MAPRE2: variants seen among roughly 807,000 people sequenced by gnomAD.
MAPRE2 encodes microtubule associated protein RP/EB family member 2.
In MAPRE2, 13 loss-of-function variants were observed where a neutral mutation model predicts 43.2. That is an observed-to-expected ratio of 0.30 (90% CI 0.20 to 0.48). MAPRE2 has a LOEUF of 0.48. Among genes scored for constraint, MAPRE2 ranks in the 20% least tolerant of loss-of-function variants. MAPRE2 has a pLI of 0.99. For missense variants in MAPRE2, 161 were observed against 400.2 expected (o/e 0.40, Z 5.10); for synonymous variants, 135 against 148.8 (o/e 0.91, Z 0.68).
chr18:35,011,774 C>T (rs2097034825), intron 2 of MAPRE2, among the ~76,000 whole-genome samples: 1 of 152,130 alleles, frequency 6.6e-6, no homozygotes, highest in Non-Finnish European at 1.5e-5. Context: ...TTGCACCAAC[C>T]TAATAGAAAG....
At chr18:34,992,160 G>C (rs2097024156) in intron 1 of MAPRE2, among the ~76,000 whole-genome samples, 1 of 152,114 alleles carries the variant, frequency 6.6e-6, no homozygotes, top group Non-Finnish European at 1.5e-5. Context: ...ACTATCATGA[G>C]TAGAGGCTCT....
intron 1 of MAPRE2, among the ~76,000 whole-genome samples, chr18:35,064,209 A>T (rs1353763614): frequency 6.6e-6 from 1 of 151,656 alleles, no homozygotes; most frequent in East Asian, 1.9e-4. Flanking sequence ...AAAAAAAAAA[A>T]ATCAAAATAG....
upstream of MAPRE2, among the ~76,000 whole-genome samples, chr18:35,037,054 A>G (rs146280422): frequency 9.8e-4 from 149 of 152,172 alleles, 2 homozygotes; most frequent in East Asian, 0.011. Flanking sequence ...GTCCCATCCC[A>G]CCCTATGTTG....
At chr18:35,133,110 G>A (rs982412387) in intron 6 of MAPRE2, among the ~76,000 whole-genome samples, 2 of 152,176 alleles carry the variant, frequency 1.3e-5, no homozygotes, top group African/African-American at 4.8e-5. Context: ...TATTTCTATA[G>A]GACATAGCAA....
chr18:35,009,136 A>G (rs2097033181), intron 2 of MAPRE2, among the ~76,000 whole-genome samples: 1 of 152,164 alleles, frequency 6.6e-6, no homozygotes, highest in African/African-American at 2.4e-5. Context: ...AAACGACTTT[A>G]GTAAGAAAAT....
At chr18:35,004,145 T>G (rs984346233) in intron 1 of MAPRE2, among the ~76,000 whole-genome samples, 2 of 152,196 alleles carry the variant, frequency 1.3e-5, no homozygotes, top group Non-Finnish European at 2.9e-5. Flanking sequence ...TTTTTTTAAC[T>G]AAACATCTCC....
intron 2 of MAPRE2, among the ~76,000 whole-genome samples, chr18:35,073,076 C>T (rs1387397397): frequency 6.6e-6 from 1 of 152,072 alleles, no homozygotes; most frequent in Non-Finnish European, 1.5e-5. Context: ...AGATGACCTT[C>T]TAAATCGGTA....
At chr18:34,985,345 T>A (rs1349850469) in intron 1 of MAPRE2, among the ~76,000 whole-genome samples, 1 of 43,756 alleles carries the variant, frequency 2.3e-5, no homozygotes, top group African/African-American at 9.6e-5. Flanking sequence ...TATAATATAT[T>A]ATATTATATA....
chr18:35,129,289 A>G (rs1404520311), intron 5 of MAPRE2, among the ~76,000 whole-genome samples: 1 of 152,168 alleles, frequency 6.6e-6, no homozygotes, highest in East Asian at 1.9e-4. Context: ...AGCCAACAGG[A>G]TGCCCCCTGA....
At chr18:35,101,573 C>T (rs1029417768) in intron 3 of MAPRE2, among the ~76,000 whole-genome samples, 3 of 152,196 alleles carry the variant, frequency 2.0e-5, no homozygotes, top group African/African-American at 7.2e-5. Flanking sequence ...TGTCCTTCTA[C>T]TCTCCATGCC....
chr18:35,051,891 A>G (rs549147), intron 1 of MAPRE2, among the ~76,000 whole-genome samples: 96,042 of 152,040 alleles, frequency 0.63, 30,322 homozygotes, highest in South Asian at 0.7. Context: ...GCCTCAAAGA[A>G]TGTTAGCTAG....
intron 2 of MAPRE2, among the ~76,000 whole-genome samples, chr18:35,017,348 G>C (rs567079659): frequency 6.8e-6 from 1 of 147,060 alleles, no homozygotes; most frequent in Non-Finnish European, 1.5e-5. Flanking sequence ...AAAAAATGAT[G>C]TTGGTAGTTT....
intron 2 of MAPRE2, among the ~76,000 whole-genome samples, chr18:35,088,662 TGGGTAAGA>T (rs1907990794): frequency 6.6e-6 from 1 of 152,200 alleles, no homozygotes; most frequent in African/African-American, 2.4e-5. Context: ...GATTTGTGGC[TGGGTAAGA>T]CTTCCAGGAC....
At chr18:35,097,329 C>A in intron 2 of MAPRE2, 117 bp from the exon 3 acceptor site, 1 of 879,020 alleles carries the variant, frequency 1.1e-6, no homozygotes, top group Non-Finnish European at 1.8e-6. Flanking sequence ...AAGAAGGACA[C>A]ACTCTGCTCT....
intron 2 of MAPRE2, among the ~76,000 whole-genome samples, chr18:35,034,260 G>T (rs2097049316): frequency 6.6e-6 from 1 of 152,122 alleles, no homozygotes; most frequent in African/African-American, 2.4e-5. Flanking sequence ...CAAGCAATGG[G>T]GAAAGGATAC....
At chr18:35,014,764 C>A (rs146135269) in intron 2 of MAPRE2, among the ~76,000 whole-genome samples, 1 of 152,166 alleles carries the variant, frequency 6.6e-6, no homozygotes, top group African/African-American at 2.4e-5. Context: ...TTACATCCCC[C>A]CTCACAAACT....
rs746284992 is a variant in MAPRE2 at position 35,119,280 on chromosome 18, A to AC, written c.611-7665dup. ...GTTGAAAAACTGAAACTGGAGGAAG[A>AC]CCCATAGTGGATGCTTAGGCCTTCC... On this transcript the variant is annotated intron_variant, in intron 4 of 6. Transcript: ENST00000300249. Among the ~76,000 whole-genome samples the AC allele has an allele frequency of 8.5e-5, 13 of 152,148 alleles. 1 individual carries two copies. The highest frequency in any genetic ancestry group is 3.9e-4 in the Admixed American group (6 of 15,294).
At chr18:35,088,693 T>G (rs1047613270) in intron 2 of MAPRE2, among the ~76,000 whole-genome samples, 2 of 152,198 alleles carry the variant, frequency 1.3e-5, no homozygotes, top group African/African-American at 2.4e-5. Flanking sequence ...TGGCAATGAT[T>G]CCTGAATATT....
intron 2 of MAPRE2, among the ~76,000 whole-genome samples, chr18:35,030,792 A>ATCTTCTACAGT (rs927587904): frequency 2.0e-5 from 3 of 152,180 alleles, no homozygotes; most frequent in Non-Finnish European, 4.4e-5. Context: ...TTCTGACCTT[A>ATCTTCTACAGT]TCTTCTACAG....
Sources: gnomAD v4.1 joint callset for allele counts (sites outside exome capture counted in the v4.1 genomes callset) on GRCh38, gnomAD v4.1.1 for gene constraint, MANE v1.5 for transcripts, NCBI Gene and HGNC (gene_info 2026-07-23, HGNC 2026-07-21) for gene names.